Variants in MGMT observed in about 807,000 individuals in gnomAD.
The protein encoded by MGMT is O-6-methylguanine-DNA methyltransferase.
Under a neutral mutation model 15.9 loss-of-function variants are expected in MGMT, and 14 were observed. The ratio of observed to expected loss-of-function variants is 0.88; its 90% CI spans 0.58 to 1.37. The LOEUF is 1.37. Ranked by LOEUF, MGMT falls within the 40% of genes most tolerant of loss-of-function variation. The probability of loss-of-function intolerance (pLI) is 0.00; values close to 1 mark genes in which losing one functional copy is unlikely to be tolerated. For missense variants in MGMT, 282 were observed against 268.1 expected, an observed-to-expected ratio of 1.05 and a Z score of -0.36; for synonymous variants, 130 against 118.2, an observed-to-expected ratio of 1.10 and a Z score of -0.65.
chr10:129,573,370 T>C (rs1296154981), intron 2 of MGMT, among the ~76,000 whole-genome samples: 1 of 152,204 alleles, frequency 6.6e-6, no homozygotes. Flanking sequence ...CTCCCAATGT[T>C]AACAGCTTAC....
intron 2 of MGMT, among the ~76,000 whole-genome samples, chr10:129,638,437 AAAAAAAAAG>A (rs1402959205): frequency 1.5e-3 from 186 of 121,414 alleles, no homozygotes; most frequent in South Asian, 0.014. Flanking sequence ...GGCAAAAAAA[AAAAAAAAAG>A]AAAAAAAAAA....
intron 3 of MGMT, among the ~76,000 whole-genome samples, chr10:129,711,162 C>T (rs75099483): frequency 0.041 from 6,184 of 152,238 alleles, 353 homozygotes; most frequent in African/African-American, 0.12. Context: ...GGCCTCTTCG[C>T]GGTACCACCT....
At chr10:129,609,732 T>C (rs1846937366) in intron 2 of MGMT, among the ~76,000 whole-genome samples, 2 of 152,160 alleles carry the variant, frequency 1.3e-5, no homozygotes, top group Non-Finnish European at 1.5e-5. Context: ...CTGGAAGCGC[T>C]TCCCTGAACA....
At chr10:129,717,444 A>C (rs968611075) in intron 3 of MGMT, among the ~76,000 whole-genome samples, 3 of 152,220 alleles carry the variant, frequency 2.0e-5, no homozygotes, top group African/African-American at 7.2e-5. Flanking sequence ...AATAATATCA[A>C]AAAGATTATT....
chr10:129,762,965 T>C (rs974248062), intron 4 of MGMT, among the ~76,000 whole-genome samples: 4 of 152,106 alleles, frequency 2.6e-5, no homozygotes, highest in African/African-American at 9.7e-5. Flanking sequence ...CTCTTTCCCT[T>C]GTGGGCTGCT....
intron 1 of MGMT, among the ~76,000 whole-genome samples, chr10:129,487,275 G>A (rs528339257): frequency 6.6e-6 from 1 of 152,252 alleles, no homozygotes; most frequent in African/African-American, 2.4e-5. Context: ...TGGTTCCTCA[G>A]AGGAACAGTG....
At chr10:129,567,212 T>G (rs1338299716) in intron 2 of MGMT, among the ~76,000 whole-genome samples, 1 of 152,162 alleles carries the variant, frequency 6.6e-6, no homozygotes, top group Non-Finnish European at 1.5e-5. Context: ...ATCCAGCCTG[T>G]GGCCCGTCCC....
rs566491931 is a variant in MGMT, at chr10:129,647,894, C to T, written c.126-60001C>T. On this transcript the variant is annotated intron_variant, in intron 2 of 4. Transcript: ENST00000651593. ...AAAATGTTCTTTTACATAAAGCCTG[C>T]GAGTCTGTGAAGGAACATAAATGTG... 2.3e-3 allele frequency among the ~76,000 whole-genome samples: 351 copies of T among 152,250 alleles called. 1 individual carries two copies. The highest frequency in any genetic ancestry group is 7.9e-3 in the African/African-American group (327 of 41,544).
intron 3 of MGMT, among the ~76,000 whole-genome samples, chr10:129,722,086 C>G (rs1481693472): frequency 6.6e-6 from 1 of 151,838 alleles, no homozygotes; most frequent in Non-Finnish European, 1.5e-5. Flanking sequence ...AAAAGGAATA[C>G]ATTGACAGAA....
rs144262482 is a variant in MGMT at position 129,748,607 on chromosome 10, G to T, written c.275-10595G>T. On this transcript the variant is annotated intron_variant, in intron 3 of 4. Coordinates refer to ENST00000651593, the MANE Select transcript of MGMT (RefSeq NM_002412.5). ...AGGTTTGCTCCTTGCTATGGGGGTG[G>T]TGTTGTTTCTAAGTCTTCTCAGTTG... Among the ~76,000 whole-genome samples, 614 of 152,196 alleles carry T rather than the reference G, an allele frequency of 4.0e-3. 6 individuals are homozygous for T. Among genetic ancestry groups the T allele is most frequent in the African/African-American group, 0.014 (585 of 41,538 alleles).
intron 1 of MGMT, among the ~76,000 whole-genome samples, chr10:129,488,213 G>A (rs140054422): frequency 2.4e-4 from 37 of 152,196 alleles, no homozygotes; most frequent in African/African-American, 7.9e-4. Context: ...TTAGACCCCA[G>A]TCAGTTAATC....
At chr10:129,661,024 C>A (rs1398405326) in intron 2 of MGMT, among the ~76,000 whole-genome samples, 7 of 152,160 alleles carry the variant, frequency 4.6e-5, no homozygotes, top group Admixed American at 3.9e-4. Context: ...CCTTATAAAT[C>A]TGTTTCTGTT....
chr10:129,559,948 T>A (rs1846257809), intron 2 of MGMT, among the ~76,000 whole-genome samples: 1 of 152,206 alleles, frequency 6.6e-6, no homozygotes, highest in Non-Finnish European at 1.5e-5. Flanking sequence ...CATGGAAGGT[T>A]GACGTGCTCC....
At chr10:129,657,975 T>C (rs1265970536) in intron 2 of MGMT, among the ~76,000 whole-genome samples, 1 of 152,182 alleles carries the variant, frequency 6.6e-6, no homozygotes, top group Non-Finnish European at 1.5e-5. Context: ...TAAATGTATA[T>C]TTAATGTGGT....
chr10:129,625,039 A>C (rs888701869), intron 2 of MGMT, among the ~76,000 whole-genome samples: 1 of 152,246 alleles, frequency 6.6e-6, no homozygotes, highest in East Asian at 1.9e-4. Flanking sequence ...TGATGAAGAA[A>C]AATGAAATGA....
intron 1 of MGMT, among the ~76,000 whole-genome samples, chr10:129,519,044 T>G (rs1845775752): frequency 6.6e-6 from 1 of 152,136 alleles, no homozygotes; most frequent in African/African-American, 2.4e-5. Flanking sequence ...ACTTCAAGAA[T>G]CAAAGAACCT....
Position 129,553,477 on chromosome 10 carries a change from A to G in MGMT, c.125+17100A>G, listed in dbSNP as rs149895865. Among the ~76,000 whole-genome samples the G allele has an allele frequency of 1.9e-3, 287 of 152,284 alleles. 1 individual carries two copies. The highest frequency in any genetic ancestry group is 2.8e-3 in the Non-Finnish European group (192 of 68,028). On this transcript the variant is annotated intron_variant, in intron 2 of 4. Transcript: ENST00000651593. ...GGTTTTTGCATCTGTTCACCAGCGC[A>G]TGTGAACCTGTGGGCCCGGGGGACA...
intron 1 of MGMT, among the ~76,000 whole-genome samples, chr10:129,517,048 C>T (rs575271804): frequency 4.6e-5 from 7 of 152,364 alleles, no homozygotes; most frequent in East Asian, 3.9e-4. Flanking sequence ...CAGCTGTCTG[C>T]GCATCCGTCC....
Position 129,471,863 on chromosome 10 carries a change from G to A in MGMT, c.-13+4567G>A, listed in dbSNP as rs541951486. Among the ~76,000 whole-genome samples the A allele has an allele frequency of 1.4e-3, 213 of 152,306 alleles. 6 individuals carry two copies. The highest frequency in any genetic ancestry group is 0.013 in the South Asian group (62 of 4,828). The stretch of plus-strand genomic sequence containing the variant: ...GTATCCATCGGCAGTTGGCATTGCT[G>A]CAGGTTTTCTGTGCATATGGGTCTG... On this transcript the variant is annotated intron_variant, in intron 1 of 4. Transcript: ENST00000651593.
Sources: gnomAD v4.1 joint callset for allele counts (sites outside exome capture counted in the v4.1 genomes callset) on GRCh38, gnomAD v4.1.1 for gene constraint, MANE v1.5 for transcripts, NCBI Gene and HGNC (gene_info 2026-07-23, HGNC 2026-07-21) for gene names.